The following TSC22D1 variants were observed in gnomAD, a reference collection of about 807,000 sequenced individuals.
The protein encoded by TSC22D1 is TSC22 domain family member 1.
TSC22D1 carries 9 observed loss-of-function variants against 74.2 expected under a neutral mutation model. The observed-to-expected ratio is 0.12, with a 90% CI of 0.07 to 0.21. The LOEUF is 0.21. Ranked by LOEUF, TSC22D1 falls within the 10% of genes least tolerant of loss-of-function variation. The pLI is 1.00. For synonymous variants in TSC22D1, 586 were observed against 492.5 expected, an observed-to-expected ratio of 1.19 and a Z score of -2.51; for missense variants, 1,427 against 1,304.7, an observed-to-expected ratio of 1.09 and a Z score of -1.44.
At position 44,517,602 on chromosome 13, in the gene TSC22D1, T is replaced by G. The variant is rs974320497; in HGVS notation, c.2912+55561A>C. Among the ~76,000 whole-genome samples, 9 of 150,906 alleles carry G rather than the reference T, an allele frequency of 6.0e-5. No homozygotes were observed. In the South Asian group the frequency reaches 8.4e-4, roughly 14 times the overall value. On this transcript the variant is annotated intron_variant, in intron 1 of 2. Coordinates refer to ENST00000458659, the MANE Select transcript of TSC22D1 (RefSeq NM_183422.4). ...GCTTGCGCCTATAATCCCAGCACTT[T>G]GGGAGACTGAGGTGGGTGGATCACT...
chr13:44,560,581 G>T (rs541892990), intron 1 of TSC22D1, among the ~76,000 whole-genome samples: 35 of 152,142 alleles, frequency 2.3e-4, no homozygotes, highest in Non-Finnish European at 4.0e-4. Context: ...ATGTCTTAGA[G>T]AATAACCTTG....
At chr13:44,494,821 T>C (rs990312917) in intron 1 of TSC22D1, among the ~76,000 whole-genome samples, 4 of 152,154 alleles carry the variant, frequency 2.6e-5, no homozygotes, top group Non-Finnish European at 5.9e-5. Context: ...TTCTTAAGTA[T>C]GCTCAAAGAG....
rs113837396 is a variant in TSC22D1, at chr13:44,550,184, A to G, written c.2912+22979T>C. Among the ~76,000 whole-genome samples, 47 of 152,342 alleles carry G rather than the reference A, an allele frequency of 3.1e-4. 1 individual carries two copies. Among genetic ancestry groups the G allele is most frequent in the African/African-American group, 1.1e-3 (47 of 41,568 alleles). Reference sequence around the variant, plus strand: ...TATGTGGAGTCTAGTTAACATTGTAATAACTATCAGTAAAACTTCACAAAA... The same window carrying G: ...TATGTGGAGTCTAGTTAACATTGTAGTAACTATCAGTAAAACTTCACAAAA... On this transcript the variant is annotated intron_variant, in intron 1 of 2. Transcript: ENST00000458659.
At chr13:44,544,087 C>A (rs552556287) in intron 1 of TSC22D1, among the ~76,000 whole-genome samples, 2 of 151,918 alleles carry the variant, frequency 1.3e-5, no homozygotes, top group Admixed American at 1.3e-4. Context: ...AGCAAGACTC[C>A]GTCTCAAAAA....
chr13:44,483,989 A>T (rs1284990888), intron 1 of TSC22D1, among the ~76,000 whole-genome samples: 1 of 152,242 alleles, frequency 6.6e-6, no homozygotes, highest in Non-Finnish European at 1.5e-5. Context: ...AATTTGATTC[A>T]TATAATTTCA....
At chr13:44,559,615 C>G (rs2138191073) in intron 1 of TSC22D1, among the ~76,000 whole-genome samples, 1 of 152,058 alleles carries the variant, frequency 6.6e-6, no homozygotes, top group South Asian at 2.1e-4. Flanking sequence ...GCCTCGAACT[C>G]CTGGGCCCAA....
At position 44,441,681 on chromosome 13, in the gene TSC22D1, G is replaced by A. The variant is rs1445471544; in HGVS notation, c.2913-5586C>T. Among the ~76,000 whole-genome samples the A allele has an allele frequency of 5.9e-5, 9 of 152,226 alleles. No individual in the cohort carries two copies. The South Asian group carries it at 1.7e-3, about 28-fold the overall frequency. On this transcript the variant is annotated intron_variant, in intron 1 of 2. Transcript: ENST00000458659. ...TAAAAGTGGCTGCGTCTAAGGCACC[G>A]AGTGGATAAGTGAAAAAAGAGAACT...
At chr13:44,452,180 GAAGT>G (rs1459802356) in intron 1 of TSC22D1, among the ~76,000 whole-genome samples, 1 of 152,148 alleles carries the variant, frequency 6.6e-6, no homozygotes, top group Admixed American at 6.5e-5. Flanking sequence ...TAAGTAACGA[GAAGT>G]AACTAACAAG....
intron 1 of TSC22D1, among the ~76,000 whole-genome samples, chr13:44,523,341 C>T (rs1212426332): frequency 1.3e-5 from 2 of 152,152 alleles, no homozygotes; most frequent in Non-Finnish European, 1.5e-5. Context: ...AAAACCTGCA[C>T]AGGAATGTTT....
chr13:44,444,827 A>C (rs1054834281), intron 1 of TSC22D1, among the ~76,000 whole-genome samples: 1 of 152,142 alleles, frequency 6.6e-6, no homozygotes, highest in Admixed American at 6.5e-5. Context: ...AAATGGACAA[A>C]TTCTTATAAA....
intron 1 of TSC22D1, among the ~76,000 whole-genome samples, chr13:44,549,694 G>T (rs1443232084): frequency 9.3e-5 from 14 of 150,926 alleles, no homozygotes; most frequent in Admixed American, 9.2e-4. Context: ...TGAGCCCAAG[G>T]AGGCAGAGGT....
intron 1 of TSC22D1, among the ~76,000 whole-genome samples, chr13:44,447,709 T>A (rs1374323925): frequency 2.0e-5 from 3 of 152,066 alleles, no homozygotes; most frequent in Non-Finnish European, 4.4e-5. Flanking sequence ...CATTTATAAT[T>A]ACTTTTAAAT....
At chr13:44,468,179 G>A (rs546522294) in intron 1 of TSC22D1, among the ~76,000 whole-genome samples, 2 of 152,276 alleles carry the variant, frequency 1.3e-5, no homozygotes, top group South Asian at 4.1e-4. Flanking sequence ...CCATGGGTAT[G>A]CAAAGGCATA....
rs530098609 is a variant in TSC22D1, at chr13:44,474,056, G to C, written c.2913-37961C>G. 6.5e-4 allele frequency among the ~76,000 whole-genome samples: 99 copies of C among 152,218 alleles called. 1 individual carries two copies. Among genetic ancestry groups the C allele is most frequent in the African/African-American group, 2.4e-3 (98 of 41,546 alleles). On this transcript the variant is annotated intron_variant, in intron 1 of 2. Transcript: ENST00000458659. ...AAATAGCTTTAAAATTTTTCCAGCT[G>C]GGAAAAACAAAGCAAAGAACTAAAA...
chr13:44,551,035 G>A (rs1181019211), intron 1 of TSC22D1, among the ~76,000 whole-genome samples: 1 of 151,340 alleles, frequency 6.6e-6, no homozygotes, highest in Non-Finnish European at 1.5e-5. Context: ...TGAGCTTGGG[G>A]AAATTGAGGC....
chr13:44,478,985 C>A (rs1595106596), intron 1 of TSC22D1, among the ~76,000 whole-genome samples: 1 of 152,110 alleles, frequency 6.6e-6, no homozygotes, highest in African/African-American at 2.4e-5. Context: ...GCTCTCTATC[C>A]TGTATCATCA....
chr13:44,470,603 G>A (rs1378795624), intron 1 of TSC22D1, among the ~76,000 whole-genome samples: 2 of 152,016 alleles, frequency 1.3e-5, no homozygotes, highest in African/African-American at 4.8e-5. Context: ...CTACCTTTAC[G>A]ATACTGGTGT....
intron 1 of TSC22D1, among the ~76,000 whole-genome samples, chr13:44,488,500 G>A (rs757727238): frequency 4.6e-5 from 7 of 151,958 alleles, no homozygotes; most frequent in East Asian, 1.9e-4. Flanking sequence ...TAAGGCTAAC[G>A]TTGCATTTCC....
chr13:44,575,400 C>G lies in TSC22D1; in HGVS notation c.675G>C (p.Gln225His), dbSNP rs777046750. ...AHPHHLHHHH[Q>H]IHHGHHLQHG... ...GTTGGAGGTGGTGCCCATGATGAATCTGATGGTGGTGATGGAGGTGGTGTG... is the reference window on the plus strand; with the variant it reads ...GTTGGAGGTGGTGCCCATGATGAATGTGATGGTGGTGATGGAGGTGGTGTG... The change falls in exon 1 of 3, where the codon CAG becomes CAC. Residue 225 changes from glutamine to histidine, a missense_variant. By Grantham distance (24) the Gln-to-His change is conservative (BLOSUM62 0). This residue lies in a region of TSC22D1 where 1,343 missense variants were observed against 1,191.5 expected (regional missense o/e 1.13). Coordinates refer to ENST00000458659, the MANE Select transcript of TSC22D1 (RefSeq NM_183422.4). 4 of 1,613,832 alleles carry G rather than the reference C, an allele frequency of 2.5e-6. No individual in the cohort carries two copies. In the East Asian group the frequency reaches 8.9e-5, roughly 36 times the overall value.
Sources: allele counts gnomAD v4.1 joint callset (sites outside exome capture counted in the v4.1 genomes callset), GRCh38; gene constraint gnomAD v4.1.1; regional missense constraint gnomAD v4.1.1; transcripts MANE v1.5; gene names NCBI Gene and HGNC (gene_info 2026-07-23, HGNC 2026-07-21).